EIF2D: variants seen among roughly 807,000 people sequenced by gnomAD.
The protein encoded by EIF2D is hepatocellular carcinoma-associated antigen 56.
Under a neutral mutation model 77.4 loss-of-function variants are expected in EIF2D, and 56 were observed. The observed-to-expected ratio is 0.72, with a 90% CI of 0.58 to 0.90. EIF2D has a LOEUF of 0.90. EIF2D is among the 40% of genes least tolerant of loss of function. EIF2D has a pLI of 0.00. For missense variants in EIF2D, 574 were observed against 706.5 expected (o/e 0.81, Z 2.13); for synonymous variants, 230 against 271.0 (o/e 0.85, Z 1.49).
In EIF2D at chr1:206,595,612, G is replaced by A. The variant is rs1453008975; in HGVS notation, c.1509+106C>T. 2.9e-6 allele frequency: 4 copies of A among 1,383,536 alleles called. No homozygotes were observed. The African/African-American group carries it at 5.8e-5, about 20-fold the overall frequency. 85.7% of individuals were successfully genotyped at this position (1,383,536 alleles called of 1,614,324 possible). On this transcript the variant is annotated intron_variant, in intron 13 of 14. Transcript: ENST00000271764. Reference sequence around the variant, plus strand: ...ACGGGTGTTTCATAAAAAAATCTTTGATGAGTTTGAGGCCAATCTAAAAAC... The same window carrying A: ...ACGGGTGTTTCATAAAAAAATCTTTAATGAGTTTGAGGCCAATCTAAAAAC...
In EIF2D at chr1:206,584,377, C is replaced by G. The variant is rs1669018966; in HGVS notation, c.139-3215G>C. 1 of 1,603,362 alleles carries G rather than the reference C, an allele frequency of 6.2e-7. No individual in the cohort carries two copies. Among genetic ancestry groups the G allele is most frequent in the South Asian group, 1.1e-5 (1 of 89,258 alleles). On this transcript the variant is annotated intron_variant and NMD_transcript_variant, in intron 2 of 5. Coordinates refer to the EIF2D transcript ENST00000472709. The surrounding 1 kb of genome is among the most constrained non-coding windows in gnomAD (Gnocchi z 4.9). ...GGCCCTGACCCCCTGTGACATGCCCCCGCTGGCAGAGTGAAGACGGCACCT... is the reference window on the plus strand; with the variant it reads ...GGCCCTGACCCCCTGTGACATGCCCGCGCTGGCAGAGTGAAGACGGCACCT...
intron 12 of EIF2D, 140 bp from the exon 13 acceptor site, chr1:206,595,978 C>A: frequency 8.5e-7 from 1 of 1,182,910 alleles, no homozygotes; most frequent in East Asian, 2.4e-5. Flanking sequence ...ATTCAAATCC[C>A]TAGGGAGCTA....
At chr1:206,590,217 C>T (rs1669299694), downstream of EIF2D, among the ~76,000 whole-genome samples, 1 of 152,106 alleles carries the variant, frequency 6.6e-6, no homozygotes, top group Non-Finnish European at 1.5e-5. Flanking sequence ...CTGGAAAAAC[C>T]ACTCAATGCA....
At chr1:206,605,225 T>C (rs1450697324) in intron 5 of EIF2D, 175 bp downstream of exon 5, 1 of 509,856 alleles carries the variant, frequency 2.0e-6, no homozygotes, top group African/African-American at 1.9e-5. Context: ...TCTCATTACT[T>C]GTCCAAACAG....
At chr1:206,586,688 G>C (rs923691645), downstream of EIF2D, 1 of 712,314 alleles carries the variant, frequency 1.4e-6, no homozygotes, top group East Asian at 2.5e-5. Context: ...CGCTGATTCA[G>C]TCTGTTCAGT....
intron 5 of EIF2D, among the ~76,000 whole-genome samples, chr1:206,604,337 G>C (rs1411941470): frequency 1.3e-5 from 2 of 151,842 alleles, no homozygotes; most frequent in South Asian, 2.1e-4. Flanking sequence ...CCAGCTACTC[G>C]GGAGGCTGAG....
In EIF2D at chr1:206,603,004, TCTTCTGGGG is replaced by T. The variant is rs782334400; in HGVS notation, c.722_730del (p.Ala241_Glu243del). The T allele has an allele frequency of 1.2e-6, 2 of 1,613,954 alleles. No individual in the cohort carries two copies. The highest frequency in any genetic ancestry group is 8.5e-7 in the Non-Finnish European group (1 of 1,180,024). On this transcript the variant is annotated inframe_deletion, in exon 6 of 15. Coordinates refer to ENST00000271764, the MANE Select transcript of EIF2D (RefSeq NM_006893.3). The stretch of plus-strand genomic sequence containing the variant: ...TTGGTTCAGGCCCCTGGTGCTGGTG[TCTTCTGGGG>T]CTTCTGAGAGAGACTTGTCTTCACG...
At position 206,579,533 on chromosome 1, in the gene EIF2D, GTGTGTT is replaced by G; in HGVS notation, c.*254+1153_*254+1158del. ...TGTTAGGTAAACCTTTGGGGTGTTT[GTGTGTT>G]TCTTGGCACCAAGTGTTAATTCAGC... On this transcript the variant is annotated intron_variant and NMD_transcript_variant, in intron 4 of 5. Transcript: ENST00000472709. The surrounding 1 kb of genome is among the most constrained non-coding windows in gnomAD (Gnocchi z 4.2). Among the ~76,000 whole-genome samples the G allele has an allele frequency of 6.6e-6, 1 of 152,306 alleles. No individual in the cohort carries two copies. Among genetic ancestry groups the G allele is most frequent in the East Asian group, 1.9e-4 (1 of 5,182 alleles).
In EIF2D at chr1:206,599,571, TGG is replaced by T; in HGVS notation, c.1092_1093del (p.Gln365AspfsTer6). The T allele has an allele frequency of 6.2e-7, 1 of 1,605,806 alleles. No homozygotes were observed. Among genetic ancestry groups the T allele is most frequent in the Non-Finnish European group, 8.5e-7 (1 of 1,175,982 alleles). ...TTCCCTGCTACCCTCCTGGATAGTC[TGG>T]GAGGTCGGGGAGGGCTCGGGTATGA... On this transcript the variant is annotated frameshift_variant, in exon 10 of 15. Transcript: ENST00000271764. LOFTEE classifies it high-confidence loss of function. This position sits in a 1 kb window ranked among gnomAD's most constrained non-coding sequence, Gnocchi z 4.1.
Position 206,612,305 on chromosome 1 carries a change from G to A in EIF2D, c.38C>T (p.Ala13Val). ...CCCTCACCTGTCCGACCCCTTGATG[G>A]CCGTGTTGGACTTGACCCGAAAGGC... is the stretch of plus-strand genomic sequence containing the variant. ...AKAFRVKSNT[A>V]IKGSDRRKLR... Residue 13 changes from alanine (A) to valine (V), a missense_variant, in exon 1 of 15, where the codon GCC becomes GTC. By Grantham distance (64) the Ala-to-Val change is moderately conservative. Coordinates refer to ENST00000271764, the MANE Select transcript of EIF2D (RefSeq NM_006893.3). The A allele has an allele frequency of 6.2e-7, 1 of 1,614,252 alleles. No homozygotes were observed. Among genetic ancestry groups the A allele is most frequent in the African/African-American group, 1.3e-5 (1 of 75,064 alleles).
intron 2 of EIF2D, among the ~76,000 whole-genome samples, chr1:206,581,638 A>T (rs551652732): frequency 1.3e-5 from 2 of 150,296 alleles, no homozygotes; most frequent in Admixed American, 6.6e-5. Context: ...GAGAGGGGGG[A>T]GAGAGAGAGA....
downstream of EIF2D, chr1:206,588,262 G>A (rs1052542489): frequency 2.0e-5 from 3 of 152,752 alleles, no homozygotes; most frequent in Admixed American, 6.5e-5. Context: ...TTCAGTATGG[G>A]TTGAGGGTCA....
At position 206,584,865 on chromosome 1, in the gene EIF2D, T is replaced by G; in HGVS notation, c.139-3703A>C. 1.5e-6 allele frequency: 1 copy of G among 655,770 alleles called. No homozygotes were observed. Among genetic ancestry groups the G allele is most frequent in the Non-Finnish European group, 2.6e-6 (1 of 384,878 alleles). 40.6% of individuals were successfully genotyped at this position (655,770 alleles called of 1,614,324 possible). A position where few individuals can be genotyped will look rare whatever the true frequency, so the allele number is the denominator to read the frequency against. The stretch of plus-strand genomic sequence containing the variant: ...GGCAGGGAGGCAAGAGCAGAGTCCC[T>G]GACTCTGCATGTGACTTCAGGAAAA... On this transcript the variant is annotated intron_variant and NMD_transcript_variant, in intron 2 of 5. Transcript: ENST00000472709. This position sits in a 1 kb window ranked among gnomAD's most constrained non-coding sequence, Gnocchi z 4.9.
downstream of EIF2D, among the ~76,000 whole-genome samples, chr1:206,570,910 T>C (rs528088116): frequency 6.6e-6 from 1 of 152,288 alleles, no homozygotes; most frequent in African/African-American, 2.4e-5. Flanking sequence ...ACTGGTTTTC[T>C]GATATTTGAG....
At chr1:206,583,689 T>G in intron 2 of EIF2D, 2 of 337,634 alleles carry the variant, frequency 5.9e-6, no homozygotes, top group East Asian at 7.2e-5. Flanking sequence ...CCAGTATTGC[T>G]TGGCCTCCAG....
intron 2 of EIF2D, among the ~76,000 whole-genome samples, chr1:206,581,762 A>T (rs940386594): frequency 6.6e-6 from 1 of 152,150 alleles, no homozygotes; most frequent in South Asian, 2.1e-4. Flanking sequence ...CCAGAGCCTG[A>T]CATTGCATCG....
chr1:206,607,519 G>C (rs1043465726), intron 4 of EIF2D, among the ~76,000 whole-genome samples: 1 of 152,134 alleles, frequency 6.6e-6, no homozygotes, highest in African/African-American at 2.4e-5. Context: ...AACTCTTTGC[G>C]AGGCCAAGGC....
At chr1:206,606,032 C>G (rs1670187745) in intron 4 of EIF2D, among the ~76,000 whole-genome samples, 1 of 152,166 alleles carries the variant, frequency 6.6e-6, no homozygotes, top group Non-Finnish European at 1.5e-5. Context: ...CTCAGTGTAA[C>G]TATATATCTA....
At chr1:206,587,181 C>A (rs1029730969), downstream of EIF2D, 3 of 582,534 alleles carry the variant, frequency 5.1e-6, no homozygotes, top group African/African-American at 3.7e-5. Context: ...TGTGCCCCAC[C>A]ACAGATTCTG....
Sources: gnomAD v4.1 joint callset for allele counts (sites outside exome capture counted in the v4.1 genomes callset) on GRCh38, gnomAD v4.1.1 for gene constraint, Gnocchi (gnomAD v3.1) non-coding constraint, MANE v1.5 for transcripts, NCBI Gene and HGNC (gene_info 2026-07-23, HGNC 2026-07-21) for gene names.